Variants in TLE1 observed in about 807,000 individuals in gnomAD.
The protein encoded by TLE1 is TLE family member 1, transcriptional corepressor, also known as transducin-like enhancer protein 1.
TLE1 carries 21 observed loss-of-function variants against 89.8 expected under a neutral mutation model. That is an observed-to-expected ratio of 0.23 (90% CI 0.17 to 0.34). TLE1 has a LOEUF of 0.34. Among genes scored for constraint, TLE1 ranks in the 10% least tolerant of loss-of-function variants. The pLI is 1.00. For synonymous variants in TLE1, 447 were observed against 407.6 expected (o/e 1.10, Z -1.16); for missense variants, 795 against 1,031.2 (o/e 0.77, Z 3.14).
chr9:81,595,972 A>G (rs1230893409), intron 14 of TLE1, among the ~76,000 whole-genome samples: 2 of 152,198 alleles, frequency 1.3e-5, no homozygotes, highest in East Asian at 3.9e-4. Context: ...GTGTACCACA[A>G]ATCAAGCTGG....
At chr9:81,639,389 C>A (rs769489349) in intron 6 of TLE1, among the ~76,000 whole-genome samples, 1 of 152,060 alleles carries the variant, frequency 6.6e-6, no homozygotes. Context: ...CTAACCAAAA[C>A]CTGCCCGTCA....
chr9:81,588,552 G>A (rs997530313), intron 16 of TLE1, among the ~76,000 whole-genome samples: 1 of 152,144 alleles, frequency 6.6e-6, no homozygotes, highest in Non-Finnish European at 1.5e-5. Context: ...GGAGCACAAG[G>A]TTGTTCTTTA....
chr9:81,620,350 A>G, intron 9 of TLE1, 91 bp downstream of exon 9: 4 of 1,001,472 alleles, frequency 4.0e-6, no homozygotes, highest in South Asian at 1.5e-5. Context: ...GTTTAAGGAC[A>G]TGGAATTATC....
chr9:81,648,638 G>A (rs1312115005), intron 6 of TLE1, among the ~76,000 whole-genome samples: 2 of 152,194 alleles, frequency 1.3e-5, no homozygotes, highest in Admixed American at 1.3e-4. Context: ...TATCAGAGCA[G>A]GTAGAAGAGA....
At chr9:81,630,240 G>A (rs891507239) in intron 8 of TLE1, among the ~76,000 whole-genome samples, 2 of 151,952 alleles carry the variant, frequency 1.3e-5, no homozygotes, top group African/African-American at 4.8e-5. Context: ...AAATCTATGA[G>A]GGCAGATTCT....
chr9:81,624,391 G>C (rs961628108), intron 8 of TLE1, among the ~76,000 whole-genome samples: 3 of 152,034 alleles, frequency 2.0e-5, no homozygotes, highest in Admixed American at 2.0e-4. Flanking sequence ...GTACACACAG[G>C]CTTCATGGCA....
chr9:81,645,765 A>G (rs922606613), intron 6 of TLE1, among the ~76,000 whole-genome samples: 3 of 134,888 alleles, frequency 2.2e-5, no homozygotes, highest in African/African-American at 8.2e-5. Context: ...AAAATAAAAT[A>G]AAATAAAAAT....
At chr9:81,603,435 G>A (rs1831215150) in intron 14 of TLE1, among the ~76,000 whole-genome samples, 1 of 152,038 alleles carries the variant, frequency 6.6e-6, no homozygotes, top group Admixed American at 6.6e-5. Context: ...AAGACTTTCT[G>A]ACCTCTCTCT....
In TLE1 at chr9:81,683,428, T is replaced by C. The variant is rs141897276; in HGVS notation, c.234+2248A>G. Among the ~76,000 whole-genome samples, 335 of 152,174 alleles carry C rather than the reference T, an allele frequency of 2.2e-3. 4 individuals are homozygous for C. The highest frequency in any genetic ancestry group is 7.5e-3 in the African/African-American group (311 of 41,506). On this transcript the variant is annotated intron_variant, in intron 4 of 19. Coordinates refer to ENST00000376499, the MANE Select transcript of TLE1 (RefSeq NM_005077.5). Reference sequence around the variant, plus strand: ...TCCAAAGGCCCTCTCTACAATATAATGAGCACTTAGGCCATGCTGGTGATC... The same window carrying C: ...TCCAAAGGCCCTCTCTACAATATAACGAGCACTTAGGCCATGCTGGTGATC...
At chr9:81,586,174 C>G (rs1476431674) in intron 17 of TLE1, among the ~76,000 whole-genome samples, 1 of 152,048 alleles carries the variant, frequency 6.6e-6, no homozygotes, top group African/African-American at 2.4e-5. Context: ...CCCACCACCA[C>G]GCCCGGCTAA....
At chr9:81,669,067 G>A (rs1447094241) in intron 4 of TLE1, among the ~76,000 whole-genome samples, 4 of 152,220 alleles carry the variant, frequency 2.6e-5, no homozygotes, top group Non-Finnish European at 5.9e-5. Flanking sequence ...GCATTTGTGT[G>A]GTTCCCACAG....
intron 6 of TLE1, among the ~76,000 whole-genome samples, chr9:81,638,924 G>A (rs974397028): frequency 5.3e-5 from 8 of 150,906 alleles, no homozygotes; most frequent in East Asian, 2.0e-4. Flanking sequence ...CACACCAGCC[G>A]ATACATGCAT....
intron 17 of TLE1, among the ~76,000 whole-genome samples, 190 bp from the exon 18 acceptor site, chr9:81,585,845 A>G (rs1828334295): frequency 6.6e-6 from 1 of 152,176 alleles, no homozygotes. Context: ...GGAAACTGGA[A>G]ACATTTGAAC....
intron 11 of TLE1, among the ~76,000 whole-genome samples, chr9:81,615,154 C>CGT (rs1392885056): frequency 4.6e-5 from 6 of 130,572 alleles, no homozygotes; most frequent in Non-Finnish European, 1.6e-5. Context: ...AACATGGATG[C>CGT]GTGTACACCC....
chr9:81,587,323 A>G (rs1437343554), intron 17 of TLE1, among the ~76,000 whole-genome samples: 4 of 152,210 alleles, frequency 2.6e-5, no homozygotes, highest in Non-Finnish European at 5.9e-5. Flanking sequence ...GAATCAAAAA[A>G]TCATCTCCTA....
At chr9:81,644,996 G>A (rs1297005499) in intron 6 of TLE1, among the ~76,000 whole-genome samples, 2 of 72,008 alleles carry the variant, frequency 2.8e-5, no homozygotes, top group African/African-American at 6.2e-5. Context: ...GTGAGACACT[G>A]TCTCAAAAAA....
At chr9:81,627,317 ACTT>A (rs1826026654) in intron 8 of TLE1, among the ~76,000 whole-genome samples, 1 of 128,918 alleles carries the variant, frequency 7.8e-6, no homozygotes, top group Non-Finnish European at 1.7e-5. Context: ...TTGTTCTCTC[ACTT>A]TTTTTTTTTT....
chr9:81,606,570 T>C (rs1404705171), intron 14 of TLE1, among the ~76,000 whole-genome samples: 1 of 151,872 alleles, frequency 6.6e-6, no homozygotes, highest in African/African-American at 2.4e-5. Context: ...AGGTGGGAGC[T>C]GAACAATGAG....
chr9:81,670,169 T>C (rs1832032683), intron 4 of TLE1, among the ~76,000 whole-genome samples: 1 of 152,240 alleles, frequency 6.6e-6, no homozygotes, highest in Non-Finnish European at 1.5e-5. Flanking sequence ...ACAGTCCTCC[T>C]GAGTAATAGA....
Sources: gnomAD v4.1 joint callset for allele counts (sites outside exome capture counted in the v4.1 genomes callset) on GRCh38, gnomAD v4.1.1 for gene constraint, MANE v1.5 for transcripts, NCBI Gene and HGNC (gene_info 2026-07-23, HGNC 2026-07-21) for gene names.